The following BPIFC variants were observed in gnomAD, a reference collection of about 807,000 sequenced individuals.
BPIFC encodes the protein BPI fold containing family C, also known as BPI fold-containing family C protein.
Under a neutral mutation model 57.6 loss-of-function variants are expected in BPIFC, and 60 were observed. That is an observed-to-expected ratio of 1.04 (90% CI 0.85 to 1.29). The LOEUF (loss-of-function observed/expected upper bound fraction) is 1.29. Among genes scored for constraint, BPIFC ranks in the 50% most tolerant of loss-of-function variants. The pLI is 0.00. For missense variants in BPIFC, 581 were observed against 600.5 expected (o/e 0.97, Z 0.34); for synonymous variants, 243 against 224.5 (o/e 1.08, Z -0.74).
At position 32,423,577 on chromosome 22, in the gene BPIFC, G is replaced by GTGTGTGTGT. The variant is rs1933908386; in HGVS notation, c.1218-4174_1218-4173insACACACACA. On this transcript the variant is annotated intron_variant, in intron 13 of 16. Coordinates refer to ENST00000300399, the MANE Select transcript of BPIFC (RefSeq NM_174932.3). ...TGCTTGGGAGGAGTTGTAGGGTGTG[G>GTGTGTGTGT]GTGTGTGTGTGTGTGTGTGTGTGTG... 5.3e-3 allele frequency among the ~76,000 whole-genome samples: 762 copies of GTGTGTGTGT among 143,248 alleles called. 6 individuals are homozygous for GTGTGTGTGT. The highest frequency in any genetic ancestry group is 0.014 in the East Asian group (66 of 4,852). 94.0% of individuals were successfully genotyped at this position (143,248 alleles called of 152,430 possible).
At chr22:32,417,201 T>C in intron 14 of BPIFC, 53 bp from the exon 15 acceptor site, 1 of 1,411,834 alleles carries the variant, frequency 7.1e-7, no homozygotes, top group Middle Eastern at 2.0e-4. Context: ...TTTTTTTTTT[T>C]TTTTTGCTTT....
intron 9 of BPIFC, among the ~76,000 whole-genome samples, chr22:32,436,883 A>T (rs1452365300): frequency 6.6e-6 from 1 of 151,956 alleles, no homozygotes; most frequent in East Asian, 1.9e-4. Flanking sequence ...TGTCTTGTCC[A>T]ACACTGAACT....
chr22:32,436,342 AGG>A (rs1569451437), intron 9 of BPIFC, among the ~76,000 whole-genome samples: 2 of 113,616 alleles, frequency 1.8e-5, no homozygotes, highest in Non-Finnish European at 3.7e-5. Flanking sequence ...AAGAAAGAAG[AGG>A]AAGAGGAGGA....
intron 12 of BPIFC, among the ~76,000 whole-genome samples, chr22:32,431,658 C>G (rs1556039137): frequency 6.6e-6 from 1 of 151,412 alleles, no homozygotes; most frequent in African/African-American, 2.4e-5. Context: ...AATCGCTCTT[C>G]TTTATGTATG....
intron 7 of BPIFC, 81 bp from the exon 8 acceptor site, chr22:32,442,812 A>C (rs1421838400): frequency 7.6e-7 from 1 of 1,311,476 alleles, no homozygotes; most frequent in Non-Finnish European, 1.1e-6. Flanking sequence ...AGACCCTGCA[A>C]ACAAAGGCCT....
chr22:32,444,824 T>C (rs1284233996), intron 7 of BPIFC, among the ~76,000 whole-genome samples: 1 of 152,196 alleles, frequency 6.6e-6, no homozygotes, highest in East Asian at 1.9e-4. Flanking sequence ...CCCTATTTCT[T>C]CAAAATTTTC....
chr22:32,452,432 C>T (rs1242816605), intron 4 of BPIFC, among the ~76,000 whole-genome samples: 5 of 151,980 alleles, frequency 3.3e-5, no homozygotes, highest in Non-Finnish European at 7.4e-5. Context: ...GTCAGGAGAT[C>T]GAGACCATCC....
Position 32,445,713 on chromosome 22 carries a change from G to GAAGAAAAAAATGAAA in BPIFC, c.531-16_531-15insTTTCATTTTTTTCTT. 1 of 707,314 alleles carries GAAGAAAAAAATGAAA rather than the reference G, an allele frequency of 1.4e-6. No homozygotes were observed. Among genetic ancestry groups the GAAGAAAAAAATGAAA allele is most frequent in the East Asian group, 3.9e-5 (1 of 25,768 alleles). The allele number at this position is 707,314 out of a possible 1,614,324, so 43.8% of individuals were successfully genotyped here. ...TATACAGAACACTGAGGAAAAAAATGAAAAAAAAAAAAAAAAAAAAAAGAG... is the reference window on the plus strand; with the variant it reads ...TATACAGAACACTGAGGAAAAAAATGAAGAAAAAAATGAAAAAAAAAAAAAAAAAAAAAAAAAGAG... On this transcript the variant is annotated splice_polypyrimidine_tract_variant and intron_variant, in intron 6 of 16. Transcript: ENST00000300399.
At chr22:32,429,131 T>G (rs1217075991) in intron 13 of BPIFC, among the ~76,000 whole-genome samples, 1 of 152,162 alleles carries the variant, frequency 6.6e-6, no homozygotes, top group African/African-American at 2.4e-5. Context: ...GTTGTGTTTG[T>G]GCAGTTTTGT....
rs139045156 is a variant in BPIFC at position 32,442,716 on chromosome 22, C to A, written c.610G>T (p.Ala204Ser). The A allele has an allele frequency of 1.9e-5, 30 of 1,613,682 alleles. No individual in the cohort carries two copies. The African/African-American group carries it at 3.5e-4, about 19-fold the overall frequency. ...GCATTTAGCGCTTTGACTTCACTTG[C>A]AATAATGGGACAGAGCTGGCCACAA... ...NLNEMLCPII[A>S]SEVKALNANL... Residue 204 changes from alanine to serine, a missense_variant, in exon 8 of 17, where the codon GCA (alanine) becomes TCA (serine). Ala to Ser is a moderately conservative substitution (Grantham distance 99). Transcript: ENST00000300399.
chr22:32,429,529 T>G (rs1263792441), intron 13 of BPIFC, among the ~76,000 whole-genome samples: 5 of 140,876 alleles, frequency 3.5e-5, no homozygotes, highest in Non-Finnish European at 3.1e-5. Context: ...TTTTTTTTTT[T>G]TTTTTTTCAT....
intron 13 of BPIFC, among the ~76,000 whole-genome samples, chr22:32,427,579 G>A (rs1022370303): frequency 3.9e-5 from 6 of 151,996 alleles, no homozygotes; most frequent in African/African-American, 7.3e-5. Context: ...TCACGGTCCC[G>A]ATGCTCAGGC....
At position 32,428,274 on chromosome 22, in the gene BPIFC, C is replaced by CGTGT. The variant is rs1183994820; in HGVS notation, c.1217+3072_1217+3073insACAC. 1.4e-4 allele frequency among the ~76,000 whole-genome samples: 20 copies of CGTGT among 144,634 alleles called. No homozygotes were observed. In the South Asian group the frequency reaches 3.1e-3, roughly 23 times the overall value. The allele number at this position is 144,634 out of a possible 152,430, so 94.9% of individuals were successfully genotyped here. A position where few individuals can be genotyped will look rare whatever the true frequency, so the allele number is the denominator to read the frequency against. ...ACGTGTGTGTGTGTGTGTGTGCGCG[C>CGTGT]GCGTGTGTGTGTGTGTGTGTGCTTT... On this transcript the variant is annotated intron_variant, in intron 13 of 16. Coordinates refer to ENST00000300399, the MANE Select transcript of BPIFC (RefSeq NM_174932.3).
At chr22:32,460,150 G>A (rs1935132681) in intron 2 of BPIFC, among the ~76,000 whole-genome samples, 1 of 152,206 alleles carries the variant, frequency 6.6e-6, no homozygotes, top group Admixed American at 6.5e-5. Flanking sequence ...TCTGATTAGG[G>A]ATGGAAGTGT....
chr22:32,423,143 G>A (rs1569447419), intron 13 of BPIFC, among the ~76,000 whole-genome samples: 1 of 152,326 alleles, frequency 6.6e-6, no homozygotes, highest in East Asian at 1.9e-4. Flanking sequence ...AGTAGGACCA[G>A]TGGATGAAGA....
intron 1 of BPIFC, among the ~76,000 whole-genome samples, chr22:32,462,477 GA>G (rs1041448213): frequency 3.5e-4 from 53 of 152,044 alleles, no homozygotes; most frequent in African/African-American, 1.3e-3. Context: ...TTTCTATAGT[GA>G]AAAAAACATA....
chr22:32,419,504 T>A, intron 13 of BPIFC, 100 bp from the exon 14 acceptor site: 1 of 1,242,386 alleles, frequency 8.0e-7, no homozygotes, highest in Admixed American at 2.1e-5. Context: ...AAGTCACTAT[T>A]TAAAAAAAAA....
chr22:32,456,812 C>T (rs1289972949), intron 3 of BPIFC, among the ~76,000 whole-genome samples: 2 of 152,118 alleles, frequency 1.3e-5, no homozygotes, highest in Non-Finnish European at 2.9e-5. Context: ...GACTCCTTCC[C>T]ACATCCAATA....
chr22:32,454,818 A>G (rs978247257), intron 3 of BPIFC, among the ~76,000 whole-genome samples: 1 of 152,098 alleles, frequency 6.6e-6, no homozygotes, highest in Non-Finnish European at 1.5e-5. Flanking sequence ...TTGCCACTGA[A>G]TAGCTTGTGT....
Sources: gnomAD v4.1 joint callset for allele counts (sites outside exome capture counted in the v4.1 genomes callset) on GRCh38, gnomAD v4.1.1 for gene constraint, MANE v1.5 for transcripts, NCBI Gene and HGNC (gene_info 2026-07-23, HGNC 2026-07-21) for gene names.